SORCS2: variants seen among roughly 807,000 people sequenced by gnomAD.
SORCS2 encodes sortilin related VPS10 domain containing receptor 2, also known as VPS10 domain-containing receptor SorCS2.
A neutral mutation model predicts 141.6 loss-of-function variants in SORCS2; 100 were observed. That is an observed-to-expected ratio of 0.71 (90% CI 0.60 to 0.83). The LOEUF (loss-of-function observed/expected upper bound fraction) is 0.83, where lower values mean the gene tolerates loss of function less well. Among genes scored for constraint, SORCS2 ranks in the 40% least tolerant of loss-of-function variants. SORCS2 has a pLI of 0.00. For synonymous variants in SORCS2, 789 were observed against 676.9 expected, an observed-to-expected ratio of 1.17 and a Z score of -2.57; for missense variants, 1,646 against 1,560.2, an observed-to-expected ratio of 1.05 and a Z score of -0.93.
intron 9 of SORCS2, among the ~76,000 whole-genome samples, chr4:7,679,516 G>A (rs1405245664): frequency 6.6e-6 from 1 of 152,250 alleles, no homozygotes; most frequent in African/African-American, 2.4e-5. Context: ...AATCACAAGT[G>A]TCCTTATCAG....
chr4:7,243,635 C>G, intron 1 of SORCS2, among the ~76,000 whole-genome samples: 1 of 152,240 alleles, frequency 6.6e-6, no homozygotes, highest in East Asian at 1.9e-4. Flanking sequence ...CCTCGCCAGA[C>G]ACACACCAAA....
intron 1 of SORCS2, among the ~76,000 whole-genome samples, chr4:7,256,288 G>A (rs1713867185): frequency 6.6e-6 from 1 of 152,224 alleles, no homozygotes. Flanking sequence ...GGACCAGGGA[G>A]TGGCATTTCC....
intron 1 of SORCS2, among the ~76,000 whole-genome samples, chr4:7,300,884 G>C (rs761107764): frequency 6.6e-6 from 1 of 152,170 alleles, no homozygotes; most frequent in Non-Finnish European, 1.5e-5. Context: ...CTGGCCACTC[G>C]GCCTCTCAGG....
intron 3 of SORCS2, among the ~76,000 whole-genome samples, chr4:7,624,805 G>C (rs1719418013): frequency 6.6e-6 from 1 of 152,254 alleles, no homozygotes; most frequent in African/African-American, 2.4e-5. Context: ...AGCATTGTCT[G>C]CAAAATGTCC....
chr4:7,302,438 T>C (rs1368270703), intron 1 of SORCS2, among the ~76,000 whole-genome samples: 1 of 152,194 alleles, frequency 6.6e-6, no homozygotes, highest in Non-Finnish European at 1.5e-5. Flanking sequence ...ACTTGCCACT[T>C]CGTCTGCCCA....
intron 1 of SORCS2, among the ~76,000 whole-genome samples, chr4:7,373,550 TG>T (rs1722417478): frequency 7.1e-6 from 1 of 140,340 alleles, no homozygotes; most frequent in Non-Finnish European, 1.5e-5. Flanking sequence ...CGGAATGCAG[TG>T]TCATGATCTC....
chr4:7,426,389 C>G (rs372794105), intron 2 of SORCS2, among the ~76,000 whole-genome samples: 9 of 151,336 alleles, frequency 5.9e-5, no homozygotes, highest in African/African-American at 2.2e-4. Flanking sequence ...CACACTGCCC[C>G]GCTGAGGGTG....
At chr4:7,476,758 C>A (rs935622797) in intron 2 of SORCS2, among the ~76,000 whole-genome samples, 7 of 152,166 alleles carry the variant, frequency 4.6e-5, no homozygotes, top group Non-Finnish European at 8.8e-5. Flanking sequence ...CATGGCCCAG[C>A]ACCTGCTCCA....
intron 1 of SORCS2, among the ~76,000 whole-genome samples, chr4:7,302,796 C>T (rs56297301): frequency 0.39 from 36,928 of 94,350 alleles, 5,209 homozygotes; most frequent in South Asian, 0.54. Flanking sequence ...TGTGCGCGCG[C>T]GTGTGTGTGT....
intron 2 of SORCS2, among the ~76,000 whole-genome samples, chr4:7,524,799 C>T (rs1299779276): frequency 6.6e-6 from 1 of 152,038 alleles, no homozygotes; most frequent in Non-Finnish European, 1.5e-5. Context: ...CCCGCCGCCA[C>T]TGCTTGCCAG....
At chr4:7,403,963 A>C (rs4560413) in intron 2 of SORCS2, among the ~76,000 whole-genome samples, 3 of 59,878 alleles carry the variant, frequency 5.0e-5, no homozygotes, top group Non-Finnish European at 5.8e-5. Flanking sequence ...CCATGTGTGT[A>C]TATATATATA....
At chr4:7,308,700 A>ACCAGCACCCTGTCCTCTCTCT (rs796316384) in intron 1 of SORCS2, among the ~76,000 whole-genome samples, 66 of 150,442 alleles carry the variant, frequency 4.4e-4, no homozygotes, top group Non-Finnish European at 5.0e-4. Flanking sequence ...CCCTCTTCCC[A>ACCAGCACCCTGTCCTCTCTCT]CCAGCACCCT....
intron 2 of SORCS2, among the ~76,000 whole-genome samples, chr4:7,419,257 G>A (rs752503484): frequency 2.3e-4 from 35 of 152,304 alleles, no homozygotes; most frequent in Admixed American, 3.9e-4. Flanking sequence ...TGGGGTTCAG[G>A]AGACAGGCAG....
intron 1 of SORCS2, among the ~76,000 whole-genome samples, chr4:7,237,902 G>T (rs1194063969): frequency 2.0e-5 from 3 of 152,094 alleles, no homozygotes; most frequent in Non-Finnish European, 4.4e-5. Context: ...TCTGAAATGT[G>T]TGTGCCGTTT....
intron 3 of SORCS2, among the ~76,000 whole-genome samples, chr4:7,554,676 T>C (rs1447032743): frequency 6.6e-6 from 1 of 152,152 alleles, no homozygotes; most frequent in Non-Finnish European, 1.5e-5. Flanking sequence ...CAGAGATGCA[T>C]AAAGATTCTG....
In SORCS2 at chr4:7,719,762, G is replaced by T. The variant is rs538090545; in HGVS notation, c.2424+1579G>T. On this transcript the variant is annotated intron_variant, in intron 18 of 26. Coordinates refer to ENST00000507866, the MANE Select transcript of SORCS2 (RefSeq NM_020777.3). ...AAATGGCCCTCTGCTGCCCCCTAGA[G>T]CCTGGCGTCTCGGCAGTGCAGTCGC... is the stretch of plus-strand genomic sequence containing the variant. Among the ~76,000 whole-genome samples the T allele has an allele frequency of 3.5e-3, 527 of 152,328 alleles. 3 individuals are homozygous for T. Among genetic ancestry groups the T allele is most frequent in the South Asian group, 0.018 (85 of 4,824 alleles).
At chr4:7,617,926 A>T (rs13145735) in intron 3 of SORCS2, among the ~76,000 whole-genome samples, 1 of 151,960 alleles carries the variant, frequency 6.6e-6, no homozygotes, top group Non-Finnish European at 1.5e-5. Flanking sequence ...TGGGATTCGC[A>T]GTCAGGAGTG....
intron 3 of SORCS2, among the ~76,000 whole-genome samples, chr4:7,607,118 T>C (rs1340286392): frequency 6.6e-6 from 1 of 152,256 alleles, no homozygotes; most frequent in Non-Finnish European, 1.5e-5. Flanking sequence ...TATCAACTTT[T>C]AGTATTTCAT....
chr4:7,436,800 A>T (rs901979677), intron 2 of SORCS2, among the ~76,000 whole-genome samples: 6 of 152,190 alleles, frequency 3.9e-5, no homozygotes, highest in African/African-American at 1.4e-4. Context: ...GAGCCAGTAG[A>T]AGTAACGCTG....
Sources: gnomAD v4.1 joint callset for allele counts (sites outside exome capture counted in the v4.1 genomes callset) on GRCh38, gnomAD v4.1.1 for gene constraint, MANE v1.5 for transcripts, NCBI Gene and HGNC (gene_info 2026-07-23, HGNC 2026-07-21) for gene names.